Variants in DYRK1A observed in about 807,000 individuals in gnomAD.
DYRK1A encodes dual specificity tyrosine-phosphorylation-regulated kinase 1A.
Under a neutral mutation model 79.7 loss-of-function variants are expected in DYRK1A, and 9 were observed. That is an observed-to-expected ratio of 0.11 (90% CI 0.07 to 0.20). The LOEUF (loss-of-function observed/expected upper bound fraction) is 0.20. DYRK1A is among the 10% of genes least tolerant of loss of function. The probability of loss-of-function intolerance (pLI) is 1.00; values close to 1 mark genes in which losing one functional copy is unlikely to be tolerated. For missense variants in DYRK1A, 622 were observed against 956.0 expected, an observed-to-expected ratio of 0.65 and a Z score of 4.61; for synonymous variants, 349 against 329.7, an observed-to-expected ratio of 1.06 and a Z score of -0.63.
chr21:37,432,790 T>C (rs2050812373), intron 2 of DYRK1A, among the ~76,000 whole-genome samples: 2 of 152,070 alleles, frequency 1.3e-5, no homozygotes, highest in South Asian at 4.2e-4. Context: ...AAAATATTTC[T>C]TATAGGGGAG....
intron 1 of DYRK1A, among the ~76,000 whole-genome samples, chr21:37,383,835 GTA>G (rs1555950695): frequency 0.013 from 1,636 of 130,376 alleles, 20 homozygotes; most frequent in African/African-American, 0.049. Context: ...AGGTAATGGT[GTA>G]TGTGTGTGTG....
At chr21:37,469,953 G>A (rs1169981030) in intron 2 of DYRK1A, among the ~76,000 whole-genome samples, 1 of 152,156 alleles carries the variant, frequency 6.6e-6, no homozygotes, top group Admixed American at 6.5e-5. Flanking sequence ...AGACCATCCT[G>A]GCTAACATGG....
chr21:37,407,235 T>G (rs774974178), intron 1 of DYRK1A, among the ~76,000 whole-genome samples: 1 of 152,152 alleles, frequency 6.6e-6, no homozygotes, highest in Non-Finnish European at 1.5e-5. Flanking sequence ...AAACATTCAT[T>G]TATGTTTTAT....
chr21:37,418,031 T>C (rs959590734), intron 1 of DYRK1A, among the ~76,000 whole-genome samples: 48 of 152,198 alleles, frequency 3.2e-4, no homozygotes, highest in Admixed American at 2.9e-3. Flanking sequence ...TTAAGCTTCT[T>C]TAAGAAGAAA....
chr21:37,501,166 G>GTTTTTTTTTTTTGTTTTT lies in DYRK1A; in HGVS notation c.1213-4105_1213-4104insGTTTTTTTTTTTTTTTTT, dbSNP rs2053434064. ...TTATATGTTTTTTTTGTTGTTGTTG[G>GTTTTTTTTTTTTGTTTTT]TTTTTTTTTTTTTTTTTTTTTTTAA... On this transcript the variant is annotated intron_variant, in intron 9 of 11. Coordinates refer to ENST00000647188, the MANE Select transcript of DYRK1A (RefSeq NM_001347721.2). Among the ~76,000 whole-genome samples, 20 of 93,976 alleles carry GTTTTTTTTTTTTGTTTTT rather than the reference G, an allele frequency of 2.1e-4. 1 individual carries two copies. The highest frequency in any genetic ancestry group is 9.4e-4 in the African/African-American group (20 of 21,360). 61.7% of individuals were successfully genotyped at this position (93,976 alleles called of 152,430 possible). A position where few individuals can be genotyped will look rare whatever the true frequency, so the allele number is the denominator to read the frequency against.
chr21:37,424,338 T>TA (rs2050558522), intron 2 of DYRK1A, among the ~76,000 whole-genome samples: 2 of 152,318 alleles, frequency 1.3e-5, no homozygotes, highest in African/African-American at 4.8e-5. Context: ...TTTTGTTTAT[T>TA]AGATGATACA....
intron 6 of DYRK1A, chr21:37,488,345 A>T: frequency 1.1e-6 from 1 of 942,618 alleles, no homozygotes; most frequent in Non-Finnish European, 1.3e-6. Flanking sequence ...GATACCTTAA[A>T]CTTAAGGTAT....
intron 2 of DYRK1A, among the ~76,000 whole-genome samples, chr21:37,459,293 A>G (rs181968786): frequency 6.6e-6 from 1 of 152,330 alleles, no homozygotes; most frequent in Admixed American, 6.5e-5. Flanking sequence ...CCATTTTTGT[A>G]AAACTTGTGA....
At position 37,523,110 on chromosome 21, in the gene DYRK1A, G is replaced by T. The variant is rs1022008704; in HGVS notation, c.*10579G>T. On this transcript the variant is annotated 3_prime_UTR_variant, in exon 12 of 12. Transcript: ENST00000647188. ...GCTGCAGTGCAGTGGTATGATCTCT[G>T]CTTACTGCAGCCTCCACCTCTGGGA... The T allele has an allele frequency of 1.0e-4, 16 of 152,414 alleles. No individual in the cohort carries two copies. The highest frequency in any genetic ancestry group is 3.9e-4 in the African/African-American group (16 of 41,458). 9.4% of individuals were successfully genotyped at this position (152,414 alleles called of 1,614,324 possible). A position where few individuals can be genotyped will look rare whatever the true frequency, so the allele number is the denominator to read the frequency against.
At chr21:37,484,329 C>CTT (rs35615588) in intron 5 of DYRK1A, among the ~76,000 whole-genome samples, 1,840 of 134,040 alleles carry the variant, frequency 0.014, 36 homozygotes, top group African/African-American at 0.045. Context: ...CAATAGGTCC[C>CTT]TTTTTTTTTT....
chr21:37,443,817 C>T (rs1409779405), intron 2 of DYRK1A, among the ~76,000 whole-genome samples: 1 of 152,150 alleles, frequency 6.6e-6, no homozygotes, highest in African/African-American at 2.4e-5. Flanking sequence ...CTGTCTCTGT[C>T]TAAATTTCTC....
intron 2 of DYRK1A, among the ~76,000 whole-genome samples, chr21:37,454,157 A>G (rs914415462): frequency 3.9e-5 from 5 of 128,240 alleles, no homozygotes; most frequent in Admixed American, 1.0e-4. Context: ...CAGTAGTGTG[A>G]TCACAGCTCA....
chr21:37,418,375 C>T (rs552246565), intron 1 of DYRK1A, among the ~76,000 whole-genome samples: 5 of 152,076 alleles, frequency 3.3e-5, no homozygotes, highest in Non-Finnish European at 5.9e-5. Flanking sequence ...TGTGTCTTAC[C>T]TTTAGATTTT....
intron 2 of DYRK1A, among the ~76,000 whole-genome samples, chr21:37,464,099 A>G (rs1235749579): frequency 2.0e-5 from 3 of 152,324 alleles, no homozygotes; most frequent in East Asian, 1.9e-4. Context: ...TGGGTTATGT[A>G]TCAGAGATGA....
intron 9 of DYRK1A, among the ~76,000 whole-genome samples, chr21:37,500,084 AT>A (rs2053395815): frequency 1.3e-5 from 2 of 152,126 alleles, no homozygotes; most frequent in African/African-American, 4.8e-5. Context: ...GGATGACTGT[AT>A]TTTTGTTGTT....
chr21:37,403,634 T>TAAAA (rs11349987), intron 1 of DYRK1A, among the ~76,000 whole-genome samples: 7 of 119,686 alleles, frequency 5.8e-5, no homozygotes, highest in Non-Finnish European at 1.0e-4. Context: ...CTCAGCTAAT[T>TAAAA]AAAAAAAAAA....
chr21:37,386,615 T>G (rs2049765957), intron 1 of DYRK1A, among the ~76,000 whole-genome samples: 1 of 152,224 alleles, frequency 6.6e-6, no homozygotes, highest in African/African-American at 2.4e-5. Context: ...TGTGCTTGTT[T>G]TATCAGGATG....
intron 11 of DYRK1A, among the ~76,000 whole-genome samples, chr21:37,509,141 A>G (rs2053681585): frequency 6.6e-6 from 1 of 152,226 alleles, no homozygotes; most frequent in Non-Finnish European, 1.5e-5. Flanking sequence ...CATGCCTTCT[A>G]GCCCCTCAAT....
In DYRK1A at chr21:37,467,121, AC is replaced by A. The variant is rs1300374001; in HGVS notation, c.11-5562del. Among the ~76,000 whole-genome samples, 574 of 128,956 alleles carry A rather than the reference AC, an allele frequency of 4.5e-3. 5 individuals carry two copies. The highest frequency in any genetic ancestry group is 0.022 in the Admixed American group (304 of 13,708). 84.6% of individuals were successfully genotyped at this position (128,956 alleles called of 152,430 possible). A position where few individuals can be genotyped will look rare whatever the true frequency, so the allele number is the denominator to read the frequency against. On this transcript the variant is annotated intron_variant, in intron 2 of 11. Coordinates refer to ENST00000647188, the MANE Select transcript of DYRK1A (RefSeq NM_001347721.2). Reference sequence around the variant, plus strand: ...ATTTACAAAAGAAAAAAAAAAAAAAACAAAACAAAAAAACGGAAACTATCCA... The same window carrying A: ...ATTTACAAAAGAAAAAAAAAAAAAAAAAAACAAAAAAACGGAAACTATCCA...
Sources: allele counts gnomAD v4.1 joint callset (sites outside exome capture counted in the v4.1 genomes callset), GRCh38; gene constraint gnomAD v4.1.1; transcripts MANE v1.5; gene names NCBI Gene and HGNC (gene_info 2026-07-23, HGNC 2026-07-21).